TCERG1L: variants seen among roughly 807,000 people sequenced by gnomAD.
TCERG1L encodes the protein transcription elongation regulator 1 like.
Under a neutral mutation model 56.3 loss-of-function variants are expected in TCERG1L, and 37 were observed. The observed-to-expected ratio is 0.66, with a 90% confidence interval of 0.51 to 0.87. The LOEUF (loss-of-function observed/expected upper bound fraction) is 0.87, where lower values mean the gene tolerates loss of function less well. Ranked by LOEUF, TCERG1L falls within the 40% of genes least tolerant of loss-of-function variation. The pLI is 0.00. For synonymous variants in TCERG1L, 324 were observed against 326.3 expected, an observed-to-expected ratio of 0.99 and a Z score of 0.08; for missense variants, 799 against 774.2, an observed-to-expected ratio of 1.03 and a Z score of -0.38.
chr10:131,284,429 A>T (rs1038451643), intron 3 of TCERG1L, among the ~76,000 whole-genome samples: 9 of 152,092 alleles, frequency 5.9e-5, no homozygotes, highest in African/African-American at 2.2e-4. Context: ...AGAAAGGGAT[A>T]GCCTTAAATC....
intron 4 of TCERG1L, among the ~76,000 whole-genome samples, chr10:131,256,497 G>A (rs767651705): frequency 6.6e-6 from 1 of 152,180 alleles, no homozygotes; most frequent in Non-Finnish European, 1.5e-5. Context: ...CTCTACCAGA[G>A]ACCAAAAGTA....
chr10:131,182,189 C>G (rs1483633540), intron 4 of TCERG1L, among the ~76,000 whole-genome samples: 1 of 152,172 alleles, frequency 6.6e-6, no homozygotes, highest in Non-Finnish European at 1.5e-5. Flanking sequence ...CCTTTAGAAG[C>G]CTTGAGTCTG....
At chr10:131,188,960 T>C (rs979660529) in intron 4 of TCERG1L, among the ~76,000 whole-genome samples, 1 of 152,204 alleles carries the variant, frequency 6.6e-6, no homozygotes, top group Admixed American at 6.5e-5. Flanking sequence ...AAATGAACCA[T>C]AGTATATACT....
chr10:131,218,073 G>T (rs1050828794), intron 4 of TCERG1L, among the ~76,000 whole-genome samples: 8 of 152,110 alleles, frequency 5.3e-5, no homozygotes, highest in African/African-American at 1.9e-4. Context: ...ACGAGAGCAG[G>T]AGCCACAGCC....
chr10:131,141,383 A>T (rs201733745), intron 7 of TCERG1L, among the ~76,000 whole-genome samples: 1 of 151,350 alleles, frequency 6.6e-6, no homozygotes, highest in East Asian at 2.0e-4. Context: ...AGTGTGAGTG[A>T]CCGTGCCTCA....
chr10:131,206,111 T>C (rs73396434), intron 4 of TCERG1L, among the ~76,000 whole-genome samples: 1,938 of 152,342 alleles, frequency 0.013, 29 homozygotes, highest in African/African-American at 0.044. Flanking sequence ...GCGGGAGAAC[T>C]GGCTGGTGGC....
At chr10:131,278,690 G>T (rs145737418) in intron 3 of TCERG1L, among the ~76,000 whole-genome samples, 3 of 152,254 alleles carry the variant, frequency 2.0e-5, no homozygotes, top group African/African-American at 7.2e-5. Context: ...CTTCCCTGCC[G>T]CGGAGTCACT....
Position 131,179,048 on chromosome 10 carries a change from G to C in TCERG1L, c.857-12163C>G, listed in dbSNP as rs553822915. ...CAGCCTCCAGCCCCTCTGACAGCAGGGGAGGCTGAGCCCGCGTCGGCACCA... is the reference window on the plus strand; with the variant it reads ...CAGCCTCCAGCCCCTCTGACAGCAGCGGAGGCTGAGCCCGCGTCGGCACCA... On this transcript the variant is annotated intron_variant, in intron 4 of 11. Coordinates refer to ENST00000368642, the MANE Select transcript of TCERG1L (RefSeq NM_174937.4). 5.9e-5 allele frequency among the ~76,000 whole-genome samples: 9 copies of C among 152,310 alleles called. No individual in the cohort carries two copies. The East Asian group carries it at 1.6e-3, about 26-fold the overall frequency.
At chr10:131,277,317 A>C (rs1846403346) in intron 3 of TCERG1L, among the ~76,000 whole-genome samples, 1 of 152,214 alleles carries the variant, frequency 6.6e-6, no homozygotes, top group Non-Finnish European at 1.5e-5. Flanking sequence ...ATGTGAACCC[A>C]GCCCCTGGAC....
intron 5 of TCERG1L, among the ~76,000 whole-genome samples, chr10:131,165,370 T>A (rs1188074319): frequency 6.6e-6 from 1 of 152,244 alleles, no homozygotes; most frequent in African/African-American, 2.4e-5. Context: ...TCTCTTTACG[T>A]ATGTTCATCC....
At chr10:131,140,213 T>G (rs1845720474) in intron 7 of TCERG1L, among the ~76,000 whole-genome samples, 1 of 152,190 alleles carries the variant, frequency 6.6e-6, no homozygotes, top group Non-Finnish European at 1.5e-5. Context: ...TGTGGGTGCC[T>G]GGCTGGACCT....
intron 3 of TCERG1L, among the ~76,000 whole-genome samples, chr10:131,304,537 G>A (rs1846799480): frequency 6.6e-6 from 1 of 151,934 alleles, no homozygotes; most frequent in South Asian, 2.1e-4. Flanking sequence ...AGGAAGAGGT[G>A]GTGACTGTGG....
intron 4 of TCERG1L, among the ~76,000 whole-genome samples, chr10:131,167,619 G>A (rs1461012126): frequency 1.3e-5 from 2 of 152,218 alleles, no homozygotes; most frequent in African/African-American, 4.8e-5. Flanking sequence ...CCAGCTGGTG[G>A]CCATGATGGG....
rs1846231064 is a variant in TCERG1L at position 131,260,852 on chromosome 10, A to C, written c.671-408T>G. ...TGAAGGCCCAGGAGTGCCACATAAA[A>C]AAGTGGGGGTGGTTTGGAAGAAGGG... On this transcript the variant is annotated intron_variant, in intron 3 of 11. Coordinates refer to ENST00000368642, the MANE Select transcript of TCERG1L (RefSeq NM_174937.4). The surrounding 1 kb of genome is among the most constrained non-coding windows in gnomAD (Gnocchi z 5.8). 1.3e-5 allele frequency among the ~76,000 whole-genome samples: 2 copies of C among 152,156 alleles called. No homozygotes were observed. The highest frequency in any genetic ancestry group is 4.1e-4 in the South Asian group (2 of 4,822).
intron 3 of TCERG1L, among the ~76,000 whole-genome samples, chr10:131,297,579 A>G (rs1379977004): frequency 5.9e-5 from 9 of 152,114 alleles, no homozygotes; most frequent in Non-Finnish European, 1.5e-5. Context: ...GGTAATGGCT[A>G]CCTTAGAAAA....
At chr10:131,306,490 G>A (rs1846819873) in intron 3 of TCERG1L, among the ~76,000 whole-genome samples, 1 of 152,036 alleles carries the variant, frequency 6.6e-6, no homozygotes, top group Non-Finnish European at 1.5e-5. Context: ...ATGAAAGGTT[G>A]TTCTGCTATT....
intron 4 of TCERG1L, among the ~76,000 whole-genome samples, chr10:131,204,585 G>A (rs79049750): frequency 2.6e-3 from 389 of 152,366 alleles, no homozygotes; most frequent in Non-Finnish European, 4.5e-3. Context: ...TCACTGTGTG[G>A]GCTCCAGTGG....
chr10:131,291,540 C>T (rs534109304), intron 3 of TCERG1L, among the ~76,000 whole-genome samples: 1 of 148,840 alleles, frequency 6.7e-6, no homozygotes, highest in East Asian at 2.0e-4. Context: ...CATTCTCCTG[C>T]CTCAGCCTCC....
In TCERG1L at chr10:131,311,265, C is replaced by G. The variant is rs1298646476; in HGVS notation, c.342+29G>C. ...CCCAGGAGCAGGGGAGACGGCGACC[C>G]GGGCCGAGGCGGGACGGGGACACGT... On this transcript the variant is annotated intron_variant, in intron 1 of 11. Coordinates refer to ENST00000368642, the MANE Select transcript of TCERG1L (RefSeq NM_174937.4). This position sits in a 1 kb window ranked among gnomAD's most constrained non-coding sequence, Gnocchi z 4.0. 4 of 1,151,704 alleles carry G rather than the reference C, an allele frequency of 3.5e-6. No homozygotes were observed. The highest frequency in any genetic ancestry group is 4.1e-5 in the East Asian group (1 of 24,340). 71.3% of individuals were successfully genotyped at this position (1,151,704 alleles called of 1,614,324 possible). A position where few individuals can be genotyped will look rare whatever the true frequency, so the allele number is the denominator to read the frequency against.
Sources: gnomAD v4.1 joint callset for allele counts (sites outside exome capture counted in the v4.1 genomes callset) on GRCh38, gnomAD v4.1.1 for gene constraint, Gnocchi (gnomAD v3.1) non-coding constraint, MANE v1.5 for transcripts, NCBI Gene and HGNC (gene_info 2026-07-23, HGNC 2026-07-21) for gene names.